The following NCOA1 variants were observed in gnomAD, a reference collection of about 807,000 sequenced individuals.
NCOA1 encodes the protein Hin-2 protein.
In NCOA1, 35 loss-of-function variants were observed where a neutral mutation model predicts 150.9. That is an observed-to-expected ratio of 0.23 (90% confidence interval 0.18 to 0.31). The LOEUF is 0.31. NCOA1 is among the 10% of genes least tolerant of loss of function. The pLI, the probability that NCOA1 is intolerant of heterozygous loss-of-function variation, is 1.00. For synonymous variants in NCOA1, 590 were observed against 630.0 expected, an observed-to-expected ratio of 0.94 and a Z score of 0.95; for missense variants, 1,491 against 1,749.3, an observed-to-expected ratio of 0.85 and a Z score of 2.63.
At chr2:24,621,625 C>G (rs891675935) in intron 3 of NCOA1, among the ~76,000 whole-genome samples, 2 of 151,488 alleles carry the variant, frequency 1.3e-5, no homozygotes, top group African/African-American at 2.4e-5. Flanking sequence ...ATTACAGGCA[C>G]CTGCCACCAT....
chr2:24,726,552 T>G, intron 14 of NCOA1, 37 bp from the exon 15 acceptor site: 8 of 1,328,436 alleles, frequency 6.0e-6, no homozygotes, highest in Non-Finnish European at 7.5e-6. Flanking sequence ...TATCCTCCAC[T>G]GAGATAATGA....
intron 10 of NCOA1, among the ~76,000 whole-genome samples, chr2:24,693,930 C>G (rs917016131): frequency 6.6e-6 from 1 of 152,026 alleles, no homozygotes; most frequent in Non-Finnish European, 1.5e-5. Flanking sequence ...CAGCAAAGGC[C>G]TGTCTGAGGA....
At chr2:24,527,246 T>C (rs1362326593) in intron 1 of NCOA1, among the ~76,000 whole-genome samples, 1 of 152,210 alleles carries the variant, frequency 6.6e-6, no homozygotes, top group Non-Finnish European at 1.5e-5. Flanking sequence ...CCTGATGTTG[T>C]ACATTAGATC....
At chr2:24,593,944 G>A (rs1481861045) in intron 3 of NCOA1, among the ~76,000 whole-genome samples, 2 of 152,060 alleles carry the variant, frequency 1.3e-5, no homozygotes, top group African/African-American at 2.4e-5. Flanking sequence ...CAATTTTTAG[G>A]AAGTGTACCA....
At chr2:24,499,022 T>C (rs909041372) in intron 1 of NCOA1, among the ~76,000 whole-genome samples, 1 of 152,208 alleles carries the variant, frequency 6.6e-6, no homozygotes, top group Non-Finnish European at 1.5e-5. Context: ...AACTTTTTTG[T>C]TTTTTACTTT....
At chr2:24,716,143 CAAA>C (rs35089767) in intron 14 of NCOA1, among the ~76,000 whole-genome samples, 6 of 85,330 alleles carry the variant, frequency 7.0e-5, no homozygotes, top group Non-Finnish European at 9.1e-5. Context: ...GACTCCGTCT[CAAA>C]AAAAAAAAAA....
chr2:24,496,103 T>C (rs541561155), intron 1 of NCOA1, among the ~76,000 whole-genome samples: 7 of 152,368 alleles, frequency 4.6e-5, no homozygotes, highest in Admixed American at 2.0e-4. Flanking sequence ...CATGTTGGTC[T>C]AATTTCACAT....
intron 4 of NCOA1, among the ~76,000 whole-genome samples, chr2:24,647,936 TTTA>T (rs1367334312): frequency 2.6e-5 from 4 of 152,180 alleles, no homozygotes; most frequent in African/African-American, 9.7e-5. Context: ...GAGCATTCTT[TTTA>T]TTGTTATTAT....
chr2:24,693,730 A>AT (rs5829929), intron 10 of NCOA1, among the ~76,000 whole-genome samples: 81 of 149,900 alleles, frequency 5.4e-4, no homozygotes, highest in Middle Eastern at 3.4e-3. Flanking sequence ...GTATCTGGCT[A>AT]TTTTTTTTTT....
intron 3 of NCOA1, among the ~76,000 whole-genome samples, chr2:24,608,704 G>GTTTTTTTTTTTTTTTT (rs56710627): frequency 3.4e-5 from 4 of 117,332 alleles, no homozygotes; most frequent in Non-Finnish European, 7.0e-5. Context: ...TTGTTGTTGT[G>GTTTTTTTTTTTTTTTT]TTTTTTTTTT....
chr2:24,526,422 T>C (rs1014882996), intron 1 of NCOA1, among the ~76,000 whole-genome samples: 1 of 152,146 alleles, frequency 6.6e-6, no homozygotes, highest in African/African-American at 2.4e-5. Flanking sequence ...AAGAAAATGG[T>C]GTAGTAACAT....
In NCOA1 at chr2:24,706,929, A is replaced by C. The variant is rs142232969; in HGVS notation, c.1459A>C (p.Met487Leu). ...EGTGISLAQF[M>L]SPRRQVTSGL... ...TACAGGAATATCCCTAGCACAGTTC[A>C]TGTCTCCAAGGAGACAGGTTACTTC... The change falls in exon 13 of 23, where the codon ATG becomes CTG. Residue 487 changes from methionine (M) to leucine (L), a missense_variant. Around this residue, in one of 8 missense-constraint regions of NCOA1, gnomAD observed 703 missense variants for 717.7 expected, o/e 0.98. Transcript: ENST00000348332. The C allele has an allele frequency of 3.7e-6, 6 of 1,614,058 alleles. No homozygotes were observed. The highest frequency in any genetic ancestry group is 5.1e-6 in the Non-Finnish European group (6 of 1,180,044).
chr2:24,717,154 A>C (rs1029084358), intron 14 of NCOA1, among the ~76,000 whole-genome samples: 1 of 152,226 alleles, frequency 6.6e-6, no homozygotes, highest in African/African-American at 2.4e-5. Flanking sequence ...GTTGCTGGTG[A>C]GAATACAAAA....
At chr2:24,759,929 A>G (rs896480985) in intron 21 of NCOA1, among the ~76,000 whole-genome samples, 2 of 151,542 alleles carry the variant, frequency 1.3e-5, no homozygotes, top group African/African-American at 4.8e-5. Flanking sequence ...TTCTTTAGTC[A>G]ATTATAAATT....
At chr2:24,673,909 C>G (rs1671788114) in intron 7 of NCOA1, among the ~76,000 whole-genome samples, 1 of 152,116 alleles carries the variant, frequency 6.6e-6, no homozygotes, top group African/African-American at 2.4e-5. Flanking sequence ...TTTATATAAA[C>G]ATTCTAAGAG....
intron 3 of NCOA1, among the ~76,000 whole-genome samples, chr2:24,616,383 C>T (rs1202034651): frequency 6.6e-6 from 1 of 152,092 alleles, no homozygotes; most frequent in Non-Finnish European, 1.5e-5. Flanking sequence ...CCATCTTTCT[C>T]CAATGTTCCC....
At chr2:24,681,070 A>AG (rs983394226) in intron 7 of NCOA1, among the ~76,000 whole-genome samples, 3 of 151,824 alleles carry the variant, frequency 2.0e-5, no homozygotes, top group Non-Finnish European at 4.4e-5. Context: ...ACATAAAAAA[A>AG]AAAAAAAATA....
At chr2:24,629,991 C>T (rs1197480938) in intron 3 of NCOA1, among the ~76,000 whole-genome samples, 1 of 151,552 alleles carries the variant, frequency 6.6e-6, no homozygotes, top group Admixed American at 6.6e-5. Flanking sequence ...CTACAGGCAT[C>T]TGCCATCACG....
intron 5 of NCOA1, 165 bp downstream of exon 5, chr2:24,658,931 C>T (rs1461948667): frequency 1.6e-6 from 1 of 611,824 alleles, no homozygotes; most frequent in East Asian, 2.8e-5. Context: ...ATGTTTCTCC[C>T]TCAATCCAGC....
Sources: allele counts gnomAD v4.1 joint callset (sites outside exome capture counted in the v4.1 genomes callset), GRCh38; gene constraint gnomAD v4.1.1; regional missense constraint gnomAD v4.1.1; transcripts MANE v1.5; gene names NCBI Gene and HGNC (gene_info 2026-07-23, HGNC 2026-07-21).